The following TRPC4AP variants were observed in gnomAD, a reference collection of about 807,000 sequenced individuals.
The protein encoded by TRPC4AP is transient receptor potential cation channel subfamily C member 4 associated protein, also known as short transient receptor potential channel 4-associated protein.
In TRPC4AP, 45 loss-of-function variants were observed where a neutral mutation model predicts 99.0. The ratio of observed to expected loss-of-function variants is 0.45; its 90% CI spans 0.36 to 0.58. TRPC4AP has a LOEUF of 0.58. Among genes scored for constraint, TRPC4AP ranks in the 20% least tolerant of loss-of-function variants. TRPC4AP has a pLI of 0.00. For synonymous variants in TRPC4AP, 408 were observed against 385.8 expected, an observed-to-expected ratio of 1.06 and a Z score of -0.67; for missense variants, 879 against 985.3, an observed-to-expected ratio of 0.89 and a Z score of 1.44.
chr20:35,046,187 G>T (rs2083558897), intron 6 of TRPC4AP, among the ~76,000 whole-genome samples: 1 of 152,006 alleles, frequency 6.6e-6, no homozygotes, highest in Non-Finnish European at 1.5e-5. Context: ...TATCCTATAA[G>T]TTAAATTTTA....
At chr20:35,054,841 C>T in intron 5 of TRPC4AP, 135 bp downstream of exon 5, 2 of 723,630 alleles carry the variant, frequency 2.8e-6, no homozygotes, top group Non-Finnish European at 4.5e-6. Flanking sequence ...TTTTCAGGCA[C>T]ACATAAAATA....
At chr20:35,044,411 A>AAAAG in intron 7 of TRPC4AP, 94 bp downstream of exon 7, 1 of 1,303,000 alleles carries the variant, frequency 7.7e-7, no homozygotes, top group Admixed American at 2.4e-5. Flanking sequence ...AAAAAAAAAA[A>AAAAG]AAAAGAAAAG....
chr20:35,011,108 A>C (rs1240843580), intron 11 of TRPC4AP, among the ~76,000 whole-genome samples: 1 of 152,106 alleles, frequency 6.6e-6, no homozygotes, highest in Non-Finnish European at 1.5e-5. Context: ...AAAATATAAA[A>C]AATTAGCTGG....
intron 1 of TRPC4AP, among the ~76,000 whole-genome samples, chr20:35,086,553 G>A (rs1194860935): frequency 0.021 from 1,625 of 78,182 alleles, 65 homozygotes; most frequent in Middle Eastern, 0.058. Context: ...GTGTGTGTGT[G>A]TGTGTGTGTG....
At chr20:35,087,101 G>A (rs548020855) in intron 1 of TRPC4AP, among the ~76,000 whole-genome samples, 23 of 151,456 alleles carry the variant, frequency 1.5e-4, no homozygotes, top group African/African-American at 5.3e-4. Context: ...AGGCCGAGGT[G>A]GGCGGATCAT....
At chr20:35,029,628 C>CTTT (rs35372826) in intron 8 of TRPC4AP, among the ~76,000 whole-genome samples, 1,317 of 39,516 alleles carry the variant, frequency 0.033, 35 homozygotes, top group Middle Eastern at 0.067. Context: ...AAGTTACTTT[C>CTTT]TTTTTTTTTT....
intron 8 of TRPC4AP, among the ~76,000 whole-genome samples, chr20:35,027,355 G>A (rs1314293339): frequency 6.6e-6 from 1 of 152,190 alleles, no homozygotes; most frequent in African/African-American, 2.4e-5. Flanking sequence ...TACATAAACT[G>A]ATTTTCAAAT....
At chr20:35,033,631 C>A (rs1385689427) in intron 8 of TRPC4AP, among the ~76,000 whole-genome samples, 1 of 152,124 alleles carries the variant, frequency 6.6e-6, no homozygotes, top group African/African-American at 2.4e-5. Flanking sequence ...GAGTTCTTCT[C>A]AGCTGTCTCC....
intron 1 of TRPC4AP, among the ~76,000 whole-genome samples, chr20:35,079,063 C>T (rs1319084142): frequency 1.3e-5 from 2 of 151,804 alleles, no homozygotes; most frequent in Non-Finnish European, 2.9e-5. Context: ...AAAACTCTGT[C>T]TCAAAAAATA....
At position 35,013,079 on chromosome 20, in the gene TRPC4AP, C is replaced by T. The variant is rs2082675048; in HGVS notation, c.1351-13G>A. ...TCAAGGTGATGTCCTGAAACACATGCACAGCCTCAATGTTAGGACCACAGC... is the reference window on the plus strand; with the variant it reads ...TCAAGGTGATGTCCTGAAACACATGTACAGCCTCAATGTTAGGACCACAGC... On this transcript the variant is annotated splice_polypyrimidine_tract_variant and intron_variant, in intron 10 of 18. Transcript: ENST00000252015. The T allele has an allele frequency of 6.2e-7, 1 of 1,613,916 alleles. No homozygotes were observed. The highest frequency in any genetic ancestry group is 1.7e-5 in the Admixed American group (1 of 60,006).
chr20:35,011,422 T>C (rs368083356), intron 11 of TRPC4AP, among the ~76,000 whole-genome samples: 4 of 152,166 alleles, frequency 2.6e-5, no homozygotes, highest in Non-Finnish European at 4.4e-5. Context: ...GTTGTCTACC[T>C]TGGTGATCGT....
Position 35,024,849 on chromosome 20 carries a change from A to AC in TRPC4AP, c.1052-3494_1052-3493insG, listed in dbSNP as rs1470713397. On this transcript the variant is annotated intron_variant, in intron 8 of 18. Transcript: ENST00000252015. ...TCAAAAAAAAAAAAAAAAAAAAAAA[A>AC]AAAAAATTCTGTTTATTCATTAATC... is the stretch of plus-strand genomic sequence containing the variant. 2.2e-4 allele frequency among the ~76,000 whole-genome samples: 30 copies of AC among 137,222 alleles called. 2 individuals carry two copies. In the South Asian group the frequency reaches 2.3e-3, roughly 11 times the overall value. 90.0% of individuals were successfully genotyped at this position (137,222 alleles called of 152,430 possible). A position where few individuals can be genotyped will look rare whatever the true frequency, so the allele number is the denominator to read the frequency against.
intron 7 of TRPC4AP, among the ~76,000 whole-genome samples, chr20:35,038,191 G>T (rs1479141007): frequency 6.6e-6 from 1 of 150,636 alleles, no homozygotes; most frequent in Non-Finnish European, 1.5e-5. Flanking sequence ...CCGCTGAGTT[G>T]TTCACTTTAA....
chr20:35,009,590 G>A (rs1569080935), intron 12 of TRPC4AP, among the ~76,000 whole-genome samples: 1 of 152,228 alleles, frequency 6.6e-6, no homozygotes, highest in Admixed American at 6.5e-5. Context: ...TGGCTGCAGT[G>A]AGCTATAACA....
At chr20:35,087,435 G>T (rs142733643) in intron 1 of TRPC4AP, among the ~76,000 whole-genome samples, 18 of 151,780 alleles carry the variant, frequency 1.2e-4, no homozygotes, top group Non-Finnish European at 1.9e-4. Context: ...AGGAAGCAAC[G>T]ACTGCCATGT....
chr20:35,092,589 CGCCCCTCCTGGTCCA>C lies in TRPC4AP; in HGVS notation c.168+10_168+24del. ...AGCTCCCGCCTGGTCCGCCCCGCCC[CGCCCCTCCTGGTCCA>C]GCCTCGTACCTGCACCGCCCGGACC... On this transcript the variant is annotated intron_variant, in intron 1 of 18. Coordinates refer to ENST00000252015, the MANE Select transcript of TRPC4AP (RefSeq NM_015638.3). 1 of 1,464,270 alleles carries C rather than the reference CGCCCCTCCTGGTCCA, an allele frequency of 6.8e-7. No individual in the cohort carries two copies. Among genetic ancestry groups the C allele is most frequent in the South Asian group, 1.3e-5 (1 of 75,550 alleles). The allele number at this position is 1,464,270 out of a possible 1,614,324, so 90.7% of individuals were successfully genotyped here.
intron 7 of TRPC4AP, among the ~76,000 whole-genome samples, chr20:35,041,458 A>G (rs1288210604): frequency 6.6e-6 from 1 of 151,994 alleles, no homozygotes; most frequent in Non-Finnish European, 1.5e-5. Context: ...AAAAGCTACA[A>G]GCAGAATCAC....
chr20:35,074,534 A>G (rs933591300), intron 2 of TRPC4AP, among the ~76,000 whole-genome samples: 5 of 152,204 alleles, frequency 3.3e-5, no homozygotes, highest in African/African-American at 7.2e-5. Flanking sequence ...TGTACCCAGC[A>G]GTCATTCAGG....
At chr20:35,050,505 A>C (rs2083670292) in intron 5 of TRPC4AP, among the ~76,000 whole-genome samples, 1 of 152,176 alleles carries the variant, frequency 6.6e-6, no homozygotes, top group African/African-American at 2.4e-5. Context: ...ACTTGAGGCC[A>C]GGAGTTCGAG....
Sources: allele counts gnomAD v4.1 joint callset (sites outside exome capture counted in the v4.1 genomes callset), GRCh38; gene constraint gnomAD v4.1.1; transcripts MANE v1.5; gene names NCBI Gene and HGNC (gene_info 2026-07-23, HGNC 2026-07-21).